The following PIK3R4 variants were observed in gnomAD, a reference collection of about 807,000 sequenced individuals.
PIK3R4 encodes the protein phosphoinositide 3-kinase regulatory subunit 4.
PIK3R4 carries 46 observed loss-of-function variants against 136.5 expected under a neutral mutation model. The ratio of observed to expected loss-of-function variants is 0.34; its 90% CI spans 0.27 to 0.43. PIK3R4 has a LOEUF of 0.43. PIK3R4 is among the 20% of genes least tolerant of loss of function. PIK3R4 has a pLI of 1.00. For missense variants in PIK3R4, 1,331 were observed against 1,649.5 expected (o/e 0.81, Z 3.35); for synonymous variants, 557 against 566.7 (o/e 0.98, Z 0.24).
intron 9 of PIK3R4, among the ~76,000 whole-genome samples, chr3:130,714,739 G>A (rs561124789): frequency 3.3e-5 from 5 of 152,096 alleles, no homozygotes; most frequent in South Asian, 2.1e-4. Context: ...GAGGATGATG[G>A]CTTCCAGTTT....
At chr3:130,700,510 G>A (rs892014149) in intron 13 of PIK3R4, among the ~76,000 whole-genome samples, 1 of 152,140 alleles carries the variant, frequency 6.6e-6, no homozygotes, top group African/African-American at 2.4e-5. Context: ...TAGAAAAACA[G>A]CAATTTTTCA....
At chr3:130,730,489 C>T in intron 4 of PIK3R4, 47 bp from the exon 5 acceptor site, 1 of 1,355,076 alleles carries the variant, frequency 7.4e-7, no homozygotes, top group South Asian at 1.4e-5. Context: ...TCTTAACTCT[C>T]TGTAAAGCTT....
Position 130,708,368 on chromosome 3 carries a change from A to G in PIK3R4, c.2456T>C (p.Ile819Thr). The G allele has an allele frequency of 5.6e-6, 9 of 1,613,788 alleles. No homozygotes were observed. The highest frequency in any genetic ancestry group is 6.8e-6 in the Non-Finnish European group (8 of 1,179,738). ...AGTTATGCCTAAAGCTGCCAAGTCAATTACACCTTTCTGACTACTATCATG... is the reference window on the plus strand; with the variant it reads ...AGTTATGCCTAAAGCTGCCAAGTCAGTTACACCTTTCTGACTACTATCATG... ...HLHDSSQKGV[I>T]DLAALGITGR... Residue 819 changes from isoleucine (I) to threonine (T), a missense_variant, in exon 10 of 20, where the codon ATT becomes ACT. This residue lies in a region of PIK3R4 where 1,180 missense variants were observed against 1,407.0 expected (regional missense o/e 0.84). Coordinates refer to ENST00000356763, the MANE Select transcript of PIK3R4 (RefSeq NM_014602.3).
chr3:130,745,280 A>C lies in PIK3R4; in HGVS notation c.-46-16T>G. The C allele has an allele frequency of 1.4e-6, 2 of 1,457,824 alleles. No homozygotes were observed. Among genetic ancestry groups the C allele is most frequent in the Middle Eastern group, 1.8e-4 (1 of 5,490 alleles). 90.3% of individuals were successfully genotyped at this position (1,457,824 alleles called of 1,614,324 possible). On this transcript the variant is annotated splice_polypyrimidine_tract_variant and intron_variant, in intron 1 of 19. Transcript: ENST00000356763. ...GATATAATACCTGTTTAAAATAAAA[A>C]CAAATGAAGAAAAAAGACAAGAAAC... is the stretch of plus-strand genomic sequence containing the variant.
intron 13 of PIK3R4, among the ~76,000 whole-genome samples, chr3:130,699,704 C>T (rs2107605460): frequency 6.6e-6 from 1 of 152,280 alleles, no homozygotes; most frequent in South Asian, 2.1e-4. Flanking sequence ...CTTACTCTGC[C>T]ATTCCAAAAT....
chr3:130,718,818 T>C (rs979890580), intron 7 of PIK3R4, among the ~76,000 whole-genome samples: 10 of 152,162 alleles, frequency 6.6e-5, no homozygotes, highest in African/African-American at 2.2e-4. Flanking sequence ...AGAAGTAAAA[T>C]TGTGTGGGCA....
At chr3:130,723,274 C>T (rs2107615587) in intron 7 of PIK3R4, 140 bp downstream of exon 7, 2 of 688,408 alleles carry the variant, frequency 2.9e-6, no homozygotes, top group Non-Finnish European at 4.8e-6. Flanking sequence ...TACACATACA[C>T]ACATGCACAC....
At position 130,681,527 on chromosome 3, in the gene PIK3R4, G is replaced by A; in HGVS notation, c.3672C>T (p.Leu1224=). The stretch of plus-strand genomic sequence containing the variant: ...AAAGTGGTGGTGCACTGCTGGCCCA[G>A]AGAGTAAATCTTCTGTCACCAGTCT... The part of the protein sequence containing the change: ...DMETGDRRFT[L]WASSAPPLSE... The change falls in exon 17 of 20, where the codon CTC becomes CTT. Residue 1224 remains leucine, a synonymous_variant. Coordinates refer to ENST00000356763, the MANE Select transcript of PIK3R4 (RefSeq NM_014602.3). The A allele has an allele frequency of 1.2e-6, 2 of 1,612,358 alleles. No homozygotes were observed. Among genetic ancestry groups the A allele is most frequent in the South Asian group, 2.2e-5 (2 of 91,038 alleles).
At chr3:130,699,950 A>G (rs2066566457) in intron 13 of PIK3R4, among the ~76,000 whole-genome samples, 1 of 152,242 alleles carries the variant, frequency 6.6e-6, no homozygotes, top group South Asian at 2.1e-4. Flanking sequence ...GGAAAGAGGT[A>G]TCAATTGCAT....
chr3:130,723,444 G>GT lies in PIK3R4; in HGVS notation c.1950dup (p.Pro651ThrfsTer9). ...TCACTGGCAAATTCGTAAACATGGG[G>GT]TTTTTGTAGCAGTCCTAACTGGCAC... is the stretch of plus-strand genomic sequence containing the variant. On this transcript the variant is annotated frameshift_variant, in exon 7 of 20. Coordinates refer to ENST00000356763, the MANE Select transcript of PIK3R4 (RefSeq NM_014602.3). LOFTEE classifies it high-confidence loss of function. The GT allele has an allele frequency of 6.2e-7, 1 of 1,605,508 alleles. No homozygotes were observed. Among genetic ancestry groups the GT allele is most frequent in the Non-Finnish European group, 8.5e-7 (1 of 1,176,716 alleles).
Position 130,679,071 on chromosome 3 carries a change from T to TATAACATATACAA in PIK3R4, c.*231_*243dup, listed in dbSNP as rs1559817432. On this transcript the variant is annotated 3_prime_UTR_variant, in exon 20 of 20. Transcript: ENST00000356763. ...TTTCATATTTTACATTTCTCACCTC[T>TATAACATATACAA]ATAACATATACAATAAAAATCCCAG... 2 of 266,616 alleles carry TATAACATATACAA rather than the reference T, an allele frequency of 7.5e-6. No individual in the cohort carries two copies. The highest frequency in any genetic ancestry group is 1.4e-5 in the Non-Finnish European group (2 of 142,572). The allele number at this position is 266,616 out of a possible 1,614,324, so 16.5% of individuals were successfully genotyped here. A position where few individuals can be genotyped will look rare whatever the true frequency, so the allele number is the denominator to read the frequency against.
At chr3:130,739,115 C>T (rs1366901636) in intron 2 of PIK3R4, among the ~76,000 whole-genome samples, 1 of 152,204 alleles carries the variant, frequency 6.6e-6, no homozygotes, top group Non-Finnish European at 1.5e-5. Context: ...CTCACTCTTT[C>T]ACCCAGGCCG....
chr3:130,706,707 C>T (rs530553995), intron 11 of PIK3R4, among the ~76,000 whole-genome samples: 10 of 152,310 alleles, frequency 6.6e-5, no homozygotes, highest in Admixed American at 1.3e-4. Flanking sequence ...CTTCAACCCA[C>T]AATCTCAGAT....
chr3:130,687,809 T>G (rs1051744750), intron 14 of PIK3R4, among the ~76,000 whole-genome samples: 4 of 152,188 alleles, frequency 2.6e-5, no homozygotes, highest in Admixed American at 2.6e-4. Flanking sequence ...TTTAAATACT[T>G]CCTAATTTTT....
chr3:130,727,442 C>T (rs1474479474), intron 6 of PIK3R4, among the ~76,000 whole-genome samples: 1 of 152,176 alleles, frequency 6.6e-6, no homozygotes, highest in African/African-American at 2.4e-5. Flanking sequence ...CCAGGATGGT[C>T]TCGATCTCCT....
At position 130,744,505 on chromosome 3, in the gene PIK3R4, T is replaced by C; in HGVS notation, c.714A>G (p.Ala238=). The C allele has an allele frequency of 6.2e-7, 1 of 1,612,626 alleles. No homozygotes were observed. The highest frequency in any genetic ancestry group is 8.5e-7 in the Non-Finnish European group (1 of 1,179,072). Residue 238 remains alanine, a synonymous_variant, in exon 2 of 20, where the codon GCA becomes GCG. Transcript: ENST00000356763. ...AAATACCTGCTGAAAAGATGTCCAT[T>C]GCTCTCTTCAACTCTCCTCTTGTTC... The part of the protein sequence containing the change: ...NQRTRGELKR[A]MDIFSAGCVI...
Position 130,723,432 on chromosome 3 carries a change from C to T in PIK3R4, c.1963G>A (p.Glu655Lys), listed in dbSNP as rs935210574. Residue 655 changes from glutamate (E) to lysine (K), a missense_variant, in exon 7 of 20, where the codon GAA becomes AAA. Around this residue, in one of 2 missense-constraint regions of PIK3R4, gnomAD observed 1,180 missense variants for 1,407.0 expected, o/e 0.84. Coordinates refer to ENST00000356763, the MANE Select transcript of PIK3R4 (RefSeq NM_014602.3). ...AACTTACCAATATCACTGGCAAATTCGTAAACATGGGGTTTTTGTAGCAGT... is the reference window on the plus strand; with the variant it reads ...AACTTACCAATATCACTGGCAAATTTGTAAACATGGGGTTTTTGTAGCAGT... Reference protein sequence around the residue: ...LGLLQKPHVYEFASDIAPFLC... With the variant: ...LGLLQKPHVYKFASDIAPFLC... 1.2e-6 allele frequency: 2 copies of T among 1,600,148 alleles called. No individual in the cohort carries two copies. The highest frequency in any genetic ancestry group is 1.4e-5 in the African/African-American group (1 of 74,070).
rs1199521298 is a variant in PIK3R4 at position 130,733,310 on chromosome 3, C to T, written c.1450+238G>A. On this transcript the variant is annotated intron_variant, in intron 4 of 19. Transcript: ENST00000356763. ...TTATTCCAAGTCGAATGTAGTATTCCTAAGAAAACCACAAAATTCCATCAC... is the reference window on the plus strand; with the variant it reads ...TTATTCCAAGTCGAATGTAGTATTCTTAAGAAAACCACAAAATTCCATCAC... Among the ~76,000 whole-genome samples, 4 of 152,142 alleles carry T rather than the reference C, an allele frequency of 2.6e-5. 1 individual carries two copies. In the East Asian group the frequency reaches 7.7e-4, roughly 29 times the overall value.
intron 16 of PIK3R4, among the ~76,000 whole-genome samples, chr3:130,683,649 AGAGGGCT>A (rs2066471924): frequency 6.6e-6 from 1 of 152,320 alleles, no homozygotes; most frequent in East Asian, 1.9e-4. Context: ...CCTAGAGGCA[AGAGGGCT>A]GAGGGGAAAA....
Sources: allele counts gnomAD v4.1 joint callset (sites outside exome capture counted in the v4.1 genomes callset), GRCh38; gene constraint gnomAD v4.1.1; regional missense constraint gnomAD v4.1.1; transcripts MANE v1.5; gene names NCBI Gene and HGNC (gene_info 2026-07-23, HGNC 2026-07-21).